The following ANKRD31 variants were observed in gnomAD, a reference collection of about 807,000 sequenced individuals.
The protein encoded by ANKRD31 is ankyrin repeat domain-containing protein 31.
In ANKRD31, 147 loss-of-function variants were observed where a neutral mutation model predicts 186.0. The observed-to-expected ratio is 0.79, with a 90% CI of 0.69 to 0.91. The LOEUF (loss-of-function observed/expected upper bound fraction) is 0.91, where lower values mean the gene tolerates loss of function less well. ANKRD31 is among the 40% of genes least tolerant of loss of function. The probability of loss-of-function intolerance (pLI) is 0.00; values close to 1 mark genes in which losing one functional copy is unlikely to be tolerated. For synonymous variants in ANKRD31, 673 were observed against 736.4 expected, an observed-to-expected ratio of 0.91 and a Z score of 1.39; for missense variants, 1,986 against 2,148.8, an observed-to-expected ratio of 0.92 and a Z score of 1.50.
At chr5:75,138,266 T>C (rs1174349898) in intron 16 of ANKRD31, among the ~76,000 whole-genome samples, 1 of 152,132 alleles carries the variant, frequency 6.6e-6, no homozygotes, top group Non-Finnish European at 1.5e-5. Flanking sequence ...TGAGAGTAAA[T>C]ACTACTCATT....
Position 75,104,606 on chromosome 5 carries a change from A to T in ANKRD31, c.4953T>A (p.Leu1651=). The change falls in exon 22 of 26, where the codon CTT becomes CTA. Residue 1651 remains leucine, a synonymous_variant. Coordinates refer to ENST00000506364, the MANE Select transcript of ANKRD31 (RefSeq NM_001372053.1). ...TTGATGGATGGGCAGCATTTTCGGC[A>T]AGGACACTTGCAGTTTCTGAAATAT... ...KLNISETASV[L]AENAAHPSNI... 6.5e-7 allele frequency: 1 copy of T among 1,536,628 alleles called. No homozygotes were observed. The highest frequency in any genetic ancestry group is 8.7e-7 in the Non-Finnish European group (1 of 1,146,642).
At chr5:75,182,518 A>T (rs1280196196) in intron 10 of ANKRD31, among the ~76,000 whole-genome samples, 1 of 152,156 alleles carries the variant, frequency 6.6e-6, no homozygotes, top group African/African-American at 2.4e-5. Context: ...CAGGAATTCA[A>T]GACCAGCCTG....
At position 75,088,961 on chromosome 5, in the gene ANKRD31, A is replaced by T. The variant is rs146808544; in HGVS notation, c.5472+2300T>A. On this transcript the variant is annotated intron_variant, in intron 23 of 25. Transcript: ENST00000506364. ...AAGGTGAAATGGCTTGACCTAGATT[A>T]ATCATTCTTACTGAGGCTGCACATT... Among the ~76,000 whole-genome samples, 848 of 152,312 alleles carry T rather than the reference A, an allele frequency of 5.6e-3. 13 individuals are homozygous for T. The highest frequency in any genetic ancestry group is 0.02 in the Middle Eastern group (6 of 294).
At position 75,210,861 on chromosome 5, in the gene ANKRD31, T is replaced by C. The variant is rs1164005776; in HGVS notation, c.293A>G (p.Gln98Arg). Residue 98 changes from glutamine to arginine, a missense_variant, in exon 4 of 26, where the codon CAA (glutamine) becomes CGA (arginine). By Grantham distance (43) the Gln-to-Arg change is conservative. Coordinates refer to ENST00000506364, the MANE Select transcript of ANKRD31 (RefSeq NM_001372053.1). ...VLSEDTILQS[Q>R]DETERNQALL... ...AGCTTGATTTCGTTCTGTTTCATCT[T>C]GAGACTGCTAGGAAAAAAAAAAGTT... is the stretch of plus-strand genomic sequence containing the variant. 10 of 1,513,034 alleles carry C rather than the reference T, an allele frequency of 6.6e-6. No homozygotes were observed. In the Admixed American group the frequency reaches 2.2e-4, roughly 33 times the overall value. 93.7% of individuals were successfully genotyped at this position (1,513,034 alleles called of 1,614,324 possible).
At chr5:75,218,678 A>G (rs1020536396) in intron 3 of ANKRD31, among the ~76,000 whole-genome samples, 2 of 152,168 alleles carry the variant, frequency 1.3e-5, no homozygotes, top group East Asian at 3.8e-4. Context: ...CTTGATGAAT[A>G]TATATGCTCA....
At chr5:75,071,969 T>C (rs908834755) in intron 25 of ANKRD31, among the ~76,000 whole-genome samples, 4 of 152,188 alleles carry the variant, frequency 2.6e-5, no homozygotes, top group African/African-American at 9.7e-5. Context: ...TGCTCTCTTA[T>C]AGTCTTTACT....
chr5:75,152,188 G>A (rs146366250), intron 12 of ANKRD31, among the ~76,000 whole-genome samples: 1 of 152,064 alleles, frequency 6.6e-6, no homozygotes, highest in East Asian at 1.9e-4. Flanking sequence ...CAATTCTTGA[G>A]TTGTTCTGTC....
chr5:75,117,354 A>G (rs562457496), intron 18 of ANKRD31, among the ~76,000 whole-genome samples: 1 of 152,266 alleles, frequency 6.6e-6, no homozygotes, highest in South Asian at 2.1e-4. Context: ...CCCTGACCCT[A>G]TGGACTTACT....
At chr5:75,230,513 A>T (rs1430161774) in intron 2 of ANKRD31, 49 bp downstream of exon 2, 10 of 1,390,012 alleles carry the variant, frequency 7.2e-6, no homozygotes, top group Non-Finnish European at 8.8e-6. Context: ...TTAAATGGGG[A>T]CTAACTGGGA....
At chr5:75,139,948 C>T (rs1020229710) in intron 15 of ANKRD31, among the ~76,000 whole-genome samples, 5 of 152,082 alleles carry the variant, frequency 3.3e-5, no homozygotes, top group African/African-American at 1.2e-4. Context: ...CCCAGATCTC[C>T]GACCCAAAGC....
At chr5:75,086,082 T>A (rs1049024898) in intron 23 of ANKRD31, among the ~76,000 whole-genome samples, 1 of 152,190 alleles carries the variant, frequency 6.6e-6, no homozygotes, top group East Asian at 1.9e-4. Flanking sequence ...AAACAATAGA[T>A]TTTGTATGTG....
chr5:75,101,621 C>T (rs112386051), intron 22 of ANKRD31, among the ~76,000 whole-genome samples: 16,945 of 152,120 alleles, frequency 0.11, 1,189 homozygotes, highest in Middle Eastern at 0.23. Context: ...GAGGCTTTGT[C>T]GTTTCTTTTT....
chr5:75,167,760 G>A (rs954714001), intron 11 of ANKRD31, among the ~76,000 whole-genome samples: 1 of 152,180 alleles, frequency 6.6e-6, no homozygotes. Flanking sequence ...AGCCAAGTTC[G>A]AAGTGGGGCA....
rs1396820154 is a variant in ANKRD31, at chr5:75,147,403, T to A, written c.2008A>T (p.Ser670Cys). 7 of 1,521,048 alleles carry A rather than the reference T, an allele frequency of 4.6e-6. No homozygotes were observed. The East Asian group carries it at 1.5e-4, about 32-fold the overall frequency. The allele number at this position is 1,521,048 out of a possible 1,614,324, so 94.2% of individuals were successfully genotyped here. ...ACATCTTCTTTATTTATAAATAAAC[T>A]CGCTTTGCTTCCTTTATTGACTTTT... Reference protein sequence around the residue: ...HVKVNKGSKASLFINKEDVYE... With the variant: ...HVKVNKGSKACLFINKEDVYE... The change falls in exon 14 of 26, where the codon AGT becomes TGT. Residue 670 changes from serine to cysteine, a missense_variant. Physicochemically the swap from Ser to Cys is moderately radical, Grantham distance 112. Transcript: ENST00000506364.
In ANKRD31 at chr5:75,146,487, G is replaced by C; in HGVS notation, c.2924C>G (p.Ser975Cys). The change falls in exon 14 of 26, where the codon TCT becomes TGT. Residue 975 changes from serine (S) to cysteine (C), a missense_variant. By Grantham distance (112) the Ser-to-Cys change is moderately radical. Transcript: ENST00000506364. The part of the protein sequence containing the change: ...TLPEQEAVNF[S>C]YSDNAVISEH... ...AGAAATAACTGCATTATCTGAATAA[G>C]AAAAATTAACAGCTTCCTGTTCTGG... 6.5e-7 allele frequency: 1 copy of C among 1,536,422 alleles called. No homozygotes were observed.
At chr5:75,122,777 A>G (rs1273198296) in intron 17 of ANKRD31, among the ~76,000 whole-genome samples, 1 of 152,078 alleles carries the variant, frequency 6.6e-6, no homozygotes, top group Non-Finnish European at 1.5e-5. Context: ...AGTAGAAAAA[A>G]CATACCTCAA....
intron 25 of ANKRD31, among the ~76,000 whole-genome samples, chr5:75,076,685 C>T (rs1744676175): frequency 6.6e-6 from 1 of 152,188 alleles, no homozygotes; most frequent in South Asian, 2.1e-4. Flanking sequence ...AAGTTCCAAG[C>T]TTCTAATCAA....
At chr5:75,079,034 G>A (rs1744877118) in intron 25 of ANKRD31, among the ~76,000 whole-genome samples, 4 of 152,130 alleles carry the variant, frequency 2.6e-5, no homozygotes, top group Non-Finnish European at 5.9e-5. Context: ...TATGTTTCAA[G>A]TCTTTAATTA....
chr5:75,116,798 C>T (rs2150080487), intron 18 of ANKRD31, 117 bp from the exon 19 acceptor site: 1 of 478,980 alleles, frequency 2.1e-6, no homozygotes, highest in Non-Finnish European at 3.4e-6. Context: ...ATTATAATAT[C>T]TTAACCAACA....
Sources: gnomAD v4.1 joint callset for allele counts (sites outside exome capture counted in the v4.1 genomes callset) on GRCh38, gnomAD v4.1.1 for gene constraint, MANE v1.5 for transcripts, NCBI Gene and HGNC (gene_info 2026-07-23, HGNC 2026-07-21) for gene names.